IPMK: variants seen among roughly 807,000 people sequenced by gnomAD.
The protein encoded by IPMK is inositol 1,3,4,6-tetrakisphosphate 5-kinase.
IPMK carries 17 observed loss-of-function variants against 45.8 expected under a neutral mutation model. That is an observed-to-expected ratio of 0.37 (90% confidence interval 0.25 to 0.56). The LOEUF (loss-of-function observed/expected upper bound fraction) is 0.56, where lower values mean the gene tolerates loss of function less well. Ranked by LOEUF, IPMK falls within the 20% of genes least tolerant of loss-of-function variation. IPMK has a pLI of 0.79. For missense variants in IPMK, 399 were observed against 498.0 expected, an observed-to-expected ratio of 0.80 and a Z score of 1.89; for synonymous variants, 180 against 184.3, an observed-to-expected ratio of 0.98 and a Z score of 0.19.
intron 1 of IPMK, among the ~76,000 whole-genome samples, chr10:58,254,453 T>C (rs185463429): frequency 6.6e-6 from 1 of 152,158 alleles, no homozygotes; most frequent in African/African-American, 2.4e-5. Context: ...AAATTTCATT[T>C]AGATTTCTAT....
chr10:58,213,923 T>C (rs2132151378), intron 4 of IPMK, among the ~76,000 whole-genome samples: 1 of 152,264 alleles, frequency 6.6e-6, no homozygotes, highest in East Asian at 1.9e-4. Flanking sequence ...ATTAGCATGA[T>C]GGGGCAGAAG....
chr10:58,252,442 T>TG (rs1235283879), intron 1 of IPMK, among the ~76,000 whole-genome samples: 1 of 151,786 alleles, frequency 6.6e-6, no homozygotes, highest in Non-Finnish European at 1.5e-5. Context: ...GACTGTTTTT[T>TG]TTTTTTTTTT....
intron 4 of IPMK, among the ~76,000 whole-genome samples, chr10:58,211,728 A>G (rs192941219): frequency 7.0e-6 from 1 of 142,180 alleles, no homozygotes; most frequent in East Asian, 2.1e-4. Flanking sequence ...AGTAGCAACA[A>G]TGAAACCTCA....
At chr10:58,238,510 G>A (rs180825953) in intron 1 of IPMK, among the ~76,000 whole-genome samples, 11 of 152,230 alleles carry the variant, frequency 7.2e-5, no homozygotes, top group African/African-American at 2.2e-4. Context: ...AAATTTATAC[G>A]TCAAAATCTT....
At chr10:58,266,660 T>G (rs1839152281) in intron 1 of IPMK, among the ~76,000 whole-genome samples, 3 of 152,136 alleles carry the variant, frequency 2.0e-5, no homozygotes, top group African/African-American at 7.2e-5. Context: ...ACGGGTAAAC[T>G]AGATGAATTA....
chr10:58,207,241 G>A (rs1165424326), intron 4 of IPMK, among the ~76,000 whole-genome samples: 1 of 152,216 alleles, frequency 6.6e-6, no homozygotes, highest in Admixed American at 6.5e-5. Context: ...CTGACCTTGT[G>A]ATCCGCCTGC....
intron 3 of IPMK, among the ~76,000 whole-genome samples, chr10:58,222,460 T>G (rs902066630): frequency 6.6e-6 from 1 of 152,164 alleles, no homozygotes; most frequent in Non-Finnish European, 1.5e-5. Context: ...TTTAGGACTC[T>G]TATGAAGTGA....
At chr10:58,200,730 T>C (rs1348061090) in intron 4 of IPMK, among the ~76,000 whole-genome samples, 5 of 152,220 alleles carry the variant, frequency 3.3e-5, no homozygotes, top group Non-Finnish European at 7.4e-5. Flanking sequence ...GTATCAAAGA[T>C]TGAAATGATA....
intron 4 of IPMK, among the ~76,000 whole-genome samples, chr10:58,215,645 A>G (rs886712567): frequency 6.6e-6 from 1 of 152,136 alleles, no homozygotes; most frequent in African/African-American, 2.4e-5. Context: ...CCTGAGCTCA[A>G]GCAATCCACC....
intron 1 of IPMK, 138 bp from the exon 2 acceptor site, chr10:58,237,952 T>C: frequency 1.6e-6 from 1 of 638,894 alleles, no homozygotes; most frequent in Non-Finnish European, 2.7e-6. Context: ...TTCAGAAATT[T>C]TAACATTCAA....
chr10:58,263,046 G>A (rs1046067316), intron 1 of IPMK, among the ~76,000 whole-genome samples: 1 of 152,190 alleles, frequency 6.6e-6, no homozygotes, highest in Non-Finnish European at 1.5e-5. Flanking sequence ...TGACTGTAAA[G>A]TGTCTCCTCA....
intron 3 of IPMK, among the ~76,000 whole-genome samples, chr10:58,219,938 T>C (rs190021901): frequency 1.3e-3 from 201 of 152,364 alleles, no homozygotes; most frequent in African/African-American, 4.5e-3. Context: ...CTTGACTAGA[T>C]AGAATGTCAC....
intron 2 of IPMK, among the ~76,000 whole-genome samples, chr10:58,236,659 C>T (rs1033319172): frequency 6.6e-6 from 1 of 152,078 alleles, no homozygotes; most frequent in Non-Finnish European, 1.5e-5. Context: ...AATCACAGAA[C>T]TTTGGGAGGC....
intron 5 of IPMK, among the ~76,000 whole-genome samples, chr10:58,197,082 C>T (rs977042730): frequency 2.6e-5 from 4 of 151,716 alleles, no homozygotes; most frequent in African/African-American, 7.3e-5. Flanking sequence ...GGGCGGATCA[C>T]GAGGTCAGGA....
intron 1 of IPMK, among the ~76,000 whole-genome samples, chr10:58,243,147 G>A (rs1564537204): frequency 6.6e-6 from 1 of 152,038 alleles, no homozygotes; most frequent in Non-Finnish European, 1.5e-5. Context: ...AAAAAAATCA[G>A]AGAAAGGCAC....
At chr10:58,236,633 C>T (rs911385105) in intron 2 of IPMK, among the ~76,000 whole-genome samples, 3 of 151,978 alleles carry the variant, frequency 2.0e-5, no homozygotes, top group African/African-American at 4.8e-5. Context: ...GGCCAGGTGT[C>T]GTGGCTCAAG....
chr10:58,197,265 C>G (rs1377351922), intron 5 of IPMK, among the ~76,000 whole-genome samples: 1 of 136,318 alleles, frequency 7.3e-6, no homozygotes, highest in African/African-American at 3.0e-5. Flanking sequence ...GGCCACTGCA[C>G]GCCAGCCTGG....
At chr10:58,226,982 G>A in intron 3 of IPMK, 61 bp downstream of exon 3, 1 of 1,046,618 alleles carries the variant, frequency 9.6e-7, no homozygotes, top group Non-Finnish European at 1.4e-6. Flanking sequence ...TTTACATAAG[G>A]CCTTTAAAGA....
chr10:58,209,074 G>A (rs1040987728), intron 4 of IPMK, among the ~76,000 whole-genome samples: 4 of 152,214 alleles, frequency 2.6e-5, no homozygotes, highest in African/African-American at 9.6e-5. Flanking sequence ...CTATAGGAAT[G>A]TTGTTATTCC....
Sources: allele counts gnomAD v4.1 joint callset (sites outside exome capture counted in the v4.1 genomes callset), GRCh38; gene constraint gnomAD v4.1.1; transcripts MANE v1.5; gene names NCBI Gene and HGNC (gene_info 2026-07-23, HGNC 2026-07-21).